The following ATIC variants were observed in gnomAD, a reference collection of about 807,000 sequenced individuals.
The protein encoded by ATIC is 5-aminoimidazole-4-carboxamide ribonucleotide formyltransferase/IMP cyclohydrolase.
Under a neutral mutation model 72.5 loss-of-function variants are expected in ATIC, and 64 were observed. The ratio of observed to expected loss-of-function variants is 0.88; its 90% CI spans 0.72 to 1.09. ATIC has a LOEUF of 1.09. Ranked by LOEUF, ATIC falls within the 50% of genes least tolerant of loss-of-function variation. The pLI, the probability that ATIC is intolerant of heterozygous loss-of-function variation, is 0.00. For synonymous variants in ATIC, 281 were observed against 267.1 expected (o/e 1.05, Z -0.51); for missense variants, 787 against 732.4 (o/e 1.07, Z -0.86).
downstream of ATIC, among the ~76,000 whole-genome samples, chr2:215,349,931 C>A (rs1229590421): frequency 6.6e-6 from 1 of 152,102 alleles, no homozygotes; most frequent in Non-Finnish European, 1.5e-5. Flanking sequence ...AGGAACCAAA[C>A]GAGCTGAGCA....
At chr2:215,316,919 T>C (rs1412461230) in intron 2 of ATIC, among the ~76,000 whole-genome samples, 1 of 152,050 alleles carries the variant, frequency 6.6e-6, no homozygotes, top group Non-Finnish European at 1.5e-5. Context: ...TGCCCCACCA[T>C]GCCTGGCTAA....
At chr2:215,355,794 T>C in the ATIC span, among the ~76,000 whole-genome samples, 1 of 152,194 alleles carries the variant, frequency 6.6e-6, no homozygotes, top group African/African-American at 2.4e-5. Flanking sequence ...GCCCCCACAT[T>C]CCTGTGCTTG....
chr2:215,364,764 G>T, the ATIC span: 1 of 728,416 alleles, frequency 1.4e-6, no homozygotes, highest in Non-Finnish European at 2.4e-6. Flanking sequence ...CAGGAAATGT[G>T]GTATTTTAAT....
chr2:215,342,639 C>T (rs534209043), intron 12 of ATIC, among the ~76,000 whole-genome samples: 12 of 152,290 alleles, frequency 7.9e-5, no homozygotes, highest in Middle Eastern at 6.8e-3. Context: ...TTTCATTCAT[C>T]GTGCATTCAT....
intron 12 of ATIC, among the ~76,000 whole-genome samples, chr2:215,343,388 G>A (rs1467636032): frequency 6.6e-6 from 1 of 152,108 alleles, no homozygotes; most frequent in East Asian, 1.9e-4. Context: ...CTAGACTGGA[G>A]TGCAGTGGCA....
At chr2:215,341,755 G>A (rs1402690113) in intron 12 of ATIC, among the ~76,000 whole-genome samples, 1 of 152,112 alleles carries the variant, frequency 6.6e-6, no homozygotes. Context: ...TTCTAAGACT[G>A]GATTCCCTTA....
the ATIC span, chr2:215,361,989 A>G: frequency 1.2e-6 from 2 of 1,612,980 alleles, no homozygotes; most frequent in East Asian, 4.5e-5. Context: ...CTCTGATGGT[A>G]TCTCTGAGAA....
At chr2:215,329,913 C>A (rs1301283561) in intron 7 of ATIC, among the ~76,000 whole-genome samples, 2 of 85,576 alleles carry the variant, frequency 2.3e-5, no homozygotes, top group East Asian at 7.4e-4. Context: ...AGGCATGTAC[C>A]ACCAGGCCCA....
At chr2:215,355,260 C>CAT in the ATIC span, among the ~76,000 whole-genome samples, 1 of 152,148 alleles carries the variant, frequency 6.6e-6, no homozygotes, top group Non-Finnish European at 1.5e-5. Flanking sequence ...ACCCCATTAA[C>CAT]ATATATATGT....
intron 4 of ATIC, among the ~76,000 whole-genome samples, chr2:215,321,406 A>G (rs901026355): frequency 6.6e-6 from 1 of 152,116 alleles, no homozygotes; most frequent in African/African-American, 2.4e-5. Context: ...GGTTGTTTCT[A>G]CTTTTTGAAT....
chr2:215,340,864 A>G (rs1002555322), intron 12 of ATIC, among the ~76,000 whole-genome samples: 2 of 152,370 alleles, frequency 1.3e-5, no homozygotes, highest in Non-Finnish European at 2.9e-5. Context: ...GGAGAAAAGC[A>G]TAGACTGTCA....
the ATIC span, among the ~76,000 whole-genome samples, chr2:215,355,308 G>A: frequency 6.6e-6 from 1 of 152,106 alleles, no homozygotes; most frequent in Non-Finnish European, 1.5e-5. Flanking sequence ...CAAGAGTGGA[G>A]TTTCACTGGT....
At chr2:215,332,007 G>C (rs1239247219) in intron 7 of ATIC, among the ~76,000 whole-genome samples, 4 of 152,098 alleles carry the variant, frequency 2.6e-5, no homozygotes, top group Non-Finnish European at 4.4e-5. Flanking sequence ...TACCTCAATT[G>C]TTTAATCTTA....
the ATIC span, among the ~76,000 whole-genome samples, chr2:215,358,276 T>C: frequency 6.6e-6 from 1 of 152,250 alleles, no homozygotes; most frequent in East Asian, 1.9e-4. Flanking sequence ...ATGATATTTC[T>C]TTTTAAAGTC....
chr2:215,365,360 T>C, the ATIC span: 7 of 903,396 alleles, frequency 7.7e-6, no homozygotes, highest in Non-Finnish European at 7.2e-6. Context: ...GTCTCCACTT[T>C]CCCAAATCAA....
intron 14 of ATIC, 119 bp downstream of exon 14, chr2:215,347,060 T>C: frequency 2.4e-6 from 3 of 1,237,682 alleles, no homozygotes; most frequent in Non-Finnish European, 2.3e-6. Flanking sequence ...AAATTCTATG[T>C]TGTCTAAAAT....
intron 12 of ATIC, among the ~76,000 whole-genome samples, chr2:215,342,671 G>A (rs887479625): frequency 2.0e-5 from 3 of 152,100 alleles, no homozygotes; most frequent in Non-Finnish European, 4.4e-5. Context: ...GTGTGTTTGT[G>A]TGAGCATAAG....
chr2:215,344,085 C>T (rs1412463111), intron 12 of ATIC, among the ~76,000 whole-genome samples: 69 of 152,136 alleles, frequency 4.5e-4, no homozygotes, highest in Non-Finnish European at 7.3e-5. Flanking sequence ...AACAATTCTC[C>T]GCATTGGTTC....
At chr2:215,351,168 A>G (rs1346209667), downstream of ATIC, among the ~76,000 whole-genome samples, 1 of 152,246 alleles carries the variant, frequency 6.6e-6, no homozygotes, top group African/African-American at 2.4e-5. Context: ...GAGAGACGCC[A>G]TCTTGCTTAC....
Sources: gnomAD v4.1 joint callset for allele counts (sites outside exome capture counted in the v4.1 genomes callset) on GRCh38, gnomAD v4.1.1 for gene constraint, MANE v1.5 for transcripts, NCBI Gene and HGNC (gene_info 2026-07-23, HGNC 2026-07-21) for gene names.